DLC1: variants seen among roughly 807,000 people sequenced by gnomAD.
The protein encoded by DLC1 is rho GTPase-activating protein 7.
A neutral mutation model predicts 140.3 loss-of-function variants in DLC1; 54 were observed. The observed-to-expected ratio is 0.38, with a 90% confidence interval of 0.31 to 0.48. The LOEUF (loss-of-function observed/expected upper bound fraction) is 0.48. DLC1 is among the 20% of genes least tolerant of loss of function. DLC1 has a pLI of 0.96. For synonymous variants in DLC1, 986 were observed against 728.1 expected, an observed-to-expected ratio of 1.35 and a Z score of -5.70; for missense variants, 2,536 against 1,907.0, an observed-to-expected ratio of 1.33 and a Z score of -6.14.
intron 4 of DLC1, among the ~76,000 whole-genome samples, chr8:13,335,665 A>T (rs1833785787): frequency 6.6e-6 from 1 of 150,960 alleles, no homozygotes; most frequent in South Asian, 2.1e-4. Context: ...ATCTCCAAGA[A>T]GTGTAGGATA....
intron 1 of DLC1, among the ~76,000 whole-genome samples, chr8:13,552,855 A>C (rs1388052674): frequency 2.0e-5 from 3 of 152,016 alleles, no homozygotes; most frequent in African/African-American, 7.2e-5. Context: ...TGATCACAGA[A>C]AACACATAAA....
intron 2 of DLC1, among the ~76,000 whole-genome samples, chr8:13,490,713 C>T (rs139327976): frequency 4.2e-4 from 64 of 152,204 alleles, no homozygotes; most frequent in African/African-American, 1.2e-3. Context: ...ACGATGGCCT[C>T]CAATGCACAA....
At chr8:13,380,087 C>T (rs1236822798) in intron 4 of DLC1, among the ~76,000 whole-genome samples, 1 of 152,138 alleles carries the variant, frequency 6.6e-6, no homozygotes, top group African/African-American at 2.4e-5. Context: ...TGGATCTCCT[C>T]CTCACCACCA....
intron 5 of DLC1, among the ~76,000 whole-genome samples, chr8:13,219,338 TTATA>T (rs1828422441): frequency 7.8e-6 from 1 of 128,604 alleles, no homozygotes; most frequent in African/African-American, 2.9e-5. Context: ...ATAATTATAA[TTATA>T]TAAATCATAT....
At position 13,289,260 on chromosome 8, in the gene DLC1, G is replaced by A. The variant is rs116562757; in HGVS notation, c.1348+16009C>T. Among the ~76,000 whole-genome samples the A allele has an allele frequency of 5.0e-3, 760 of 152,010 alleles. 5 individuals are homozygous for A. The highest frequency in any genetic ancestry group is 0.017 in the African/African-American group (715 of 41,440). On this transcript the variant is annotated intron_variant, in intron 5 of 17. Transcript: ENST00000276297. ...TCTGTCACCCAGGCTGGCATGCAGT[G>A]GTGTGATCATAGCTCCAACTCCTGA...
At chr8:13,117,898 A>T (rs1820701210) in intron 5 of DLC1, among the ~76,000 whole-genome samples, 1 of 152,204 alleles carries the variant, frequency 6.6e-6, no homozygotes, top group Admixed American at 6.5e-5. Context: ...TAGTTTTTTA[A>T]GCAATCTTTA....
chr8:13,573,996 A>G (rs1295294870), intron 1 of DLC1, among the ~76,000 whole-genome samples: 1 of 152,154 alleles, frequency 6.6e-6, no homozygotes, highest in Admixed American at 6.5e-5. Flanking sequence ...ATGGTGCTCA[A>G]TGAAACTTTC....
In DLC1 at chr8:13,110,738, T is replaced by G. The variant is rs999113362; in HGVS notation, c.1502+4A>C. On this transcript the variant is annotated splice_donor_region_variant and intron_variant, in intron 7 of 17. Coordinates refer to ENST00000276297, the MANE Select transcript of DLC1 (RefSeq NM_182643.3). ...AGGAAAACACTCAAAACGTGTCCAT[T>G]TACCTGCATAGAGCCTCAATGGCAT... 1.2e-6 allele frequency: 2 copies of G among 1,613,228 alleles called. No homozygotes were observed. The highest frequency in any genetic ancestry group is 2.2e-5 in the South Asian group (2 of 90,922).
At chr8:13,115,471 TAAA>T in intron 6 of DLC1, 112 bp downstream of exon 6, 1 of 1,049,956 alleles carries the variant, frequency 9.5e-7, no homozygotes, top group Non-Finnish European at 1.3e-6. Context: ...ACATTTTTTT[TAAA>T]AATAAAACAT....
intron 1 of DLC1, among the ~76,000 whole-genome samples, chr8:13,582,483 G>C (rs1433102681): frequency 6.6e-6 from 1 of 151,988 alleles, no homozygotes; most frequent in Non-Finnish European, 1.5e-5. Flanking sequence ...CAAATATAAA[G>C]CAGGCAGAAA....
At chr8:13,471,927 C>G (rs1800227696) in intron 2 of DLC1, among the ~76,000 whole-genome samples, 1 of 152,192 alleles carries the variant, frequency 6.6e-6, no homozygotes, top group Non-Finnish European at 1.5e-5. Flanking sequence ...CCATGGAGCT[C>G]TCCCACTCTG....
At chr8:13,280,287 C>CAAAAAA (rs55791933) in intron 5 of DLC1, among the ~76,000 whole-genome samples, 549 of 64,958 alleles carry the variant, frequency 8.5e-3, no homozygotes, top group Non-Finnish European at 0.01. Flanking sequence ...GACTCCATCT[C>CAAAAAA]AAAAAAAAAA....
At chr8:13,253,138 C>T (rs1458090046) in intron 5 of DLC1, among the ~76,000 whole-genome samples, 1 of 152,044 alleles carries the variant, frequency 6.6e-6, no homozygotes, top group Non-Finnish European at 1.5e-5. Flanking sequence ...AAAGTTGAGC[C>T]ATTAATATCA....
At chr8:13,528,432 G>A (rs77341977) in intron 1 of DLC1, among the ~76,000 whole-genome samples, 2,006 of 152,162 alleles carry the variant, frequency 0.013, 47 homozygotes, top group African/African-American at 0.045. Flanking sequence ...CAAAAACGTT[G>A]CCAAAATTCA....
intron 5 of DLC1, among the ~76,000 whole-genome samples, chr8:13,145,339 A>G (rs1823338541): frequency 6.6e-6 from 1 of 152,188 alleles, no homozygotes; most frequent in South Asian, 2.1e-4. Context: ...AAAAGATATA[A>G]CTGGGCATAG....
intron 6 of DLC1, among the ~76,000 whole-genome samples, chr8:13,111,171 T>A: frequency 6.6e-6 from 1 of 152,148 alleles, no homozygotes; most frequent in East Asian, 1.9e-4. Flanking sequence ...AATGCTCCGT[T>A]TTAATGTGGC....
intron 5 of DLC1, among the ~76,000 whole-genome samples, chr8:13,210,943 T>C (rs989146724): frequency 2.0e-5 from 3 of 152,176 alleles, no homozygotes; most frequent in East Asian, 1.9e-4. Flanking sequence ...ATGAATAGAG[T>C]GTCAGCTTTC....
At chr8:13,581,370 T>G (rs1348888941) in intron 1 of DLC1, among the ~76,000 whole-genome samples, 6 of 152,226 alleles carry the variant, frequency 3.9e-5, no homozygotes, top group Non-Finnish European at 5.9e-5. Context: ...AAACTCTTGC[T>G]GTTCCCCCAG....
intron 4 of DLC1, among the ~76,000 whole-genome samples, chr8:13,312,869 A>G (rs927560537): frequency 1.3e-5 from 2 of 152,200 alleles, no homozygotes; most frequent in East Asian, 1.9e-4. Context: ...TAATGTAGAC[A>G]TGTAGGCTGA....
Sources: gnomAD v4.1 joint callset for allele counts (sites outside exome capture counted in the v4.1 genomes callset) on GRCh38, gnomAD v4.1.1 for gene constraint, MANE v1.5 for transcripts, NCBI Gene and HGNC (gene_info 2026-07-23, HGNC 2026-07-21) for gene names.